The following ABCC1 variants were observed in gnomAD, a reference collection of about 807,000 sequenced individuals.
The protein encoded by ABCC1 is multidrug resistance-associated protein 1.
A neutral mutation model predicts 172.9 loss-of-function variants in ABCC1; 83 were observed. The observed-to-expected ratio is 0.48, with a 90% CI of 0.40 to 0.58. The LOEUF (loss-of-function observed/expected upper bound fraction) is 0.58. ABCC1 is among the 20% of genes least tolerant of loss of function. The pLI is 0.00. For missense variants in ABCC1, 1,817 were observed against 2,002.7 expected (o/e 0.91, Z 1.77); for synonymous variants, 937 against 825.2 (o/e 1.14, Z -2.32).
chr16:16,025,596 A>G (rs929022630), intron 5 of ABCC1, among the ~76,000 whole-genome samples: 1 of 152,222 alleles, frequency 6.6e-6, no homozygotes. Flanking sequence ...TAGAACTAAA[A>G]GCTGAGAGTG....
chr16:16,105,946 G>A (rs912968716), intron 20 of ABCC1, among the ~76,000 whole-genome samples: 2 of 147,772 alleles, frequency 1.4e-5, no homozygotes, highest in South Asian at 2.1e-4. Flanking sequence ...GTGCAATCAC[G>A]GCTCACTGCA....
chr16:16,125,596 T>C (rs1596542136), intron 25 of ABCC1, among the ~76,000 whole-genome samples: 1 of 151,936 alleles, frequency 6.6e-6, no homozygotes, highest in East Asian at 1.9e-4. Context: ...GCCTGGCTAA[T>C]TTTTATATTT....
rs1596555146 is a variant in ABCC1, at chr16:16,133,571, T to C, written c.3967-779T>C. Among the ~76,000 whole-genome samples, 3 of 152,020 alleles carry C rather than the reference T, an allele frequency of 2.0e-5. No homozygotes were observed. The East Asian group carries it at 5.8e-4, about 29-fold the overall frequency. The stretch of plus-strand genomic sequence containing the variant: ...GGTGCATGCCACCACGCCCAGCTAA[T>C]TTTTGTAGTTTTAGTAGAGATGGGG... On this transcript the variant is annotated intron_variant, in intron 27 of 30. Coordinates refer to ENST00000399410, the MANE Select transcript of ABCC1 (RefSeq NM_004996.4).
In ABCC1 at chr16:15,949,763, G is replaced by C; in HGVS notation, c.12G>C (p.Arg4=). 1 of 1,196,164 alleles carries C rather than the reference G, an allele frequency of 8.4e-7. No homozygotes were observed. Among genetic ancestry groups the C allele is most frequent in the Non-Finnish European group, 1.0e-6 (1 of 963,248 alleles). The allele number at this position is 1,196,164 out of a possible 1,614,324, so 74.1% of individuals were successfully genotyped here. The change falls in exon 1 of 31, where the codon CGG becomes CGC. Residue 4 remains arginine (R), a synonymous_variant. Transcript: ENST00000399410. ...CCCGCGCCACCGGCATGGCGCTCCG[G>C]GGCTTCTGCAGCGCCGATGGCTCCG... The part of the protein sequence containing the change: MAL[R]GFCSADGSDP...
chr16:16,136,677 A>G, intron 29 of ABCC1, 33 bp downstream of exon 29: 1 of 1,610,172 alleles, frequency 6.2e-7, no homozygotes, highest in South Asian at 1.1e-5. Flanking sequence ...ACACCGGGTA[A>G]GGTGTCCTAG....
intron 12 of ABCC1, among the ~76,000 whole-genome samples, chr16:16,067,920 G>A (rs1475866729): frequency 6.6e-6 from 1 of 152,192 alleles, no homozygotes; most frequent in Non-Finnish European, 1.5e-5. Context: ...AAAGTTGATG[G>A]GAGAGGCCGG....
In ABCC1 at chr16:16,083,540, A is replaced by G; in HGVS notation, c.2290A>G (p.Lys764Glu). Residue 764 changes from lysine to glutamate, a missense_variant and splice_region_variant, in exon 17 of 31, where the codon AAG (lysine) becomes GAG (glutamate). By Grantham distance (56) the Lys-to-Glu change is moderately conservative. Coordinates refer to ENST00000399410, the MANE Select transcript of ABCC1 (RefSeq NM_004996.4). Reference sequence around the variant, plus strand: ...TGGGGATCGGACAGAGATTGGCGAGAAGGTCAGTATAGGTTGGATGTTGGC... The same window carrying G: ...TGGGGATCGGACAGAGATTGGCGAGGAGGTCAGTATAGGTTGGATGTTGGC... ...PSGDRTEIGE[K>E]GVNLSGGQKQ... is the part of the protein sequence containing the mutation. 1 of 1,612,622 alleles carries G rather than the reference A, an allele frequency of 6.2e-7. No individual in the cohort carries two copies. The highest frequency in any genetic ancestry group is 8.5e-7 in the Non-Finnish European group (1 of 1,179,412).
At chr16:16,044,197 C>T (rs1242273305) in intron 7 of ABCC1, among the ~76,000 whole-genome samples, 1 of 152,182 alleles carries the variant, frequency 6.6e-6, no homozygotes, top group Non-Finnish European at 1.5e-5. Flanking sequence ...GAAACTGAGG[C>T]CCAGAGAGCT....
intron 10 of ABCC1, among the ~76,000 whole-genome samples, chr16:16,052,409 ACATAGCGAGACCT>A (rs2049467909): frequency 6.6e-6 from 1 of 151,230 alleles, no homozygotes; most frequent in African/African-American, 2.4e-5. Flanking sequence ...AGCCTGGGCA[ACATAGCGAGACCT>A]CATCTCCTAA....
intron 30 of ABCC1, among the ~76,000 whole-genome samples, chr16:16,139,957 T>C (rs1389134852): frequency 1.3e-5 from 2 of 152,200 alleles, no homozygotes; most frequent in African/African-American, 4.8e-5. Context: ...TTGACTCCAG[T>C]GTTGCCGTGT....
intron 1 of ABCC1, among the ~76,000 whole-genome samples, chr16:16,006,199 A>T (rs771860436): frequency 1.4e-4 from 22 of 152,154 alleles, no homozygotes; most frequent in Non-Finnish European, 3.1e-4. Flanking sequence ...TGAGACCCCA[A>T]AAAGGGTAGT....
chr16:16,043,459 G>A (rs1382480969), intron 7 of ABCC1, among the ~76,000 whole-genome samples: 5 of 146,246 alleles, frequency 3.4e-5, no homozygotes, highest in South Asian at 4.4e-4. Context: ...CCACCATGCC[G>A]GGCTGATTTT....
chr16:16,018,069 A>G (rs1479672333), intron 5 of ABCC1, among the ~76,000 whole-genome samples: 1 of 152,138 alleles, frequency 6.6e-6, no homozygotes, highest in Non-Finnish European at 1.5e-5. Flanking sequence ...CACCTATTTG[A>G]TGCTGATTCA....
At chr16:16,030,216 G>A (rs950918840) in intron 5 of ABCC1, among the ~76,000 whole-genome samples, 2 of 152,100 alleles carry the variant, frequency 1.3e-5, no homozygotes, top group African/African-American at 4.8e-5. Context: ...GCGTCAATAT[G>A]AAATTTGTGT....
At position 16,111,587 on chromosome 16, in the gene ABCC1, G is replaced by GT; in HGVS notation, c.3079+6dup. On this transcript the variant is annotated splice_donor_region_variant and intron_variant, in intron 22 of 30. Transcript: ENST00000399410. The stretch of plus-strand genomic sequence containing the variant: ...GAGCCCTGGGCATTTCACAAGGTTG[G>GT]TGCCGCTGTCTCCCACCCCGCCTGA... 6.2e-7 allele frequency: 1 copy of GT among 1,611,400 alleles called. No homozygotes were observed. The highest frequency in any genetic ancestry group is 8.5e-7 in the Non-Finnish European group (1 of 1,179,230).
At chr16:16,025,787 C>G (rs1187437846) in intron 5 of ABCC1, among the ~76,000 whole-genome samples, 1 of 152,198 alleles carries the variant, frequency 6.6e-6, no homozygotes, top group African/African-American at 2.4e-5. Context: ...ACACATCACT[C>G]TGTTTGGATG....
At chr16:16,093,000 T>C (rs2051315311) in intron 19 of ABCC1, among the ~76,000 whole-genome samples, 1 of 152,082 alleles carries the variant, frequency 6.6e-6, no homozygotes, top group Non-Finnish European at 1.5e-5. Flanking sequence ...CAAAATACAG[T>C]TGGATTTTTG....
At chr16:15,962,496 T>C (rs971501912) in intron 1 of ABCC1, among the ~76,000 whole-genome samples, 4 of 152,308 alleles carry the variant, frequency 2.6e-5, no homozygotes, top group Admixed American at 2.6e-4. Flanking sequence ...TTCATGCTGC[T>C]ATGAAAAAAT....
chr16:15,957,895 C>T (rs947382512), intron 1 of ABCC1, among the ~76,000 whole-genome samples: 1 of 151,952 alleles, frequency 6.6e-6, no homozygotes, highest in Non-Finnish European at 1.5e-5. Flanking sequence ...GCCCGCCCTA[C>T]AATGTTTATT....
Sources: gnomAD v4.1 joint callset for allele counts (sites outside exome capture counted in the v4.1 genomes callset) on GRCh38, gnomAD v4.1.1 for gene constraint, MANE v1.5 for transcripts, NCBI Gene and HGNC (gene_info 2026-07-23, HGNC 2026-07-21) for gene names.